Variants in NAPB observed in about 807,000 individuals in gnomAD.
NAPB encodes the protein NSF attachment protein beta, also known as beta-soluble NSF attachment protein.
NAPB carries 26 observed loss-of-function variants against 44.7 expected under a neutral mutation model. That is an observed-to-expected ratio of 0.58 (90% CI 0.43 to 0.81). NAPB has a LOEUF of 0.81. NAPB is among the 30% of genes least tolerant of loss of function. NAPB has a pLI of 0.00. For missense variants in NAPB, 315 were observed against 356.4 expected, an observed-to-expected ratio of 0.88 and a Z score of 0.94; for synonymous variants, 120 against 116.8, an observed-to-expected ratio of 1.03 and a Z score of -0.18.
chr20:23,395,070 A>G, intron 4 of NAPB, 69 bp downstream of exon 4: 3 of 1,612,778 alleles, frequency 1.9e-6, no homozygotes, highest in Non-Finnish European at 2.5e-6. Context: ...GAACATAAAA[A>G]AGAAAGATAG....
chr20:23,416,217 C>T (rs894345477), intron 1 of NAPB, among the ~76,000 whole-genome samples: 2 of 152,132 alleles, frequency 1.3e-5, no homozygotes, highest in Non-Finnish European at 2.9e-5. Context: ...GGCCCTCCCT[C>T]TCTCCAGAGT....
intron 1 of NAPB, among the ~76,000 whole-genome samples, chr20:23,412,261 T>C (rs923905475): frequency 6.6e-6 from 1 of 152,176 alleles, no homozygotes; most frequent in African/African-American, 2.4e-5. Context: ...CCACTCATAC[T>C]TCATCAGTCA....
chr20:23,416,067 C>T (rs541080781), intron 1 of NAPB, among the ~76,000 whole-genome samples: 1 of 152,284 alleles, frequency 6.6e-6, no homozygotes, highest in East Asian at 1.9e-4. Flanking sequence ...AAAGAAAAAA[C>T]ATCAGCATTT....
chr20:23,378,777 T>A (rs1477804369), intron 10 of NAPB: 1 of 149,980 alleles, frequency 6.7e-6, no homozygotes, highest in African/African-American at 2.4e-5. Context: ...ATACAGCAAA[T>A]TCTCACTACT....
At chr20:23,401,034 G>T (rs538460413) in intron 2 of NAPB, among the ~76,000 whole-genome samples, 10 of 152,048 alleles carry the variant, frequency 6.6e-5, no homozygotes, top group South Asian at 2.1e-4. Context: ...TTTTAAAAGG[G>T]GTGGCCAGAG....
chr20:23,380,377 G>A (rs1483692542), intron 8 of NAPB, among the ~76,000 whole-genome samples: 1 of 152,160 alleles, frequency 6.6e-6, no homozygotes, highest in Non-Finnish European at 1.5e-5. Context: ...CTGTCTTTTT[G>A]CCTCTTGGCT....
chr20:23,419,466 A>G (rs1176936423), intron 1 of NAPB, among the ~76,000 whole-genome samples: 2 of 152,194 alleles, frequency 1.3e-5, no homozygotes, highest in Non-Finnish European at 2.9e-5. Flanking sequence ...TCCCAAAAGG[A>G]GTGTTCTCCT....
chr20:23,396,526 T>C (rs1984376162), intron 3 of NAPB, among the ~76,000 whole-genome samples: 1 of 152,212 alleles, frequency 6.6e-6, no homozygotes, highest in African/African-American at 2.4e-5. Context: ...TAAAAAGAAA[T>C]AATCTTTGCA....
chr20:23,408,846 G>A lies in NAPB; in HGVS notation c.99-5774C>T, dbSNP rs189172871. On this transcript the variant is annotated intron_variant, in intron 1 of 10. Transcript: ENST00000377026. ...GATTTGATCATTATACAACACAGACGTATATCAAAAAATCAAACTGTACCC... is the reference window on the plus strand; with the variant it reads ...GATTTGATCATTATACAACACAGACATATATCAAAAAATCAAACTGTACCC... Among the ~76,000 whole-genome samples, 304 of 152,158 alleles carry A rather than the reference G, an allele frequency of 2.0e-3. 3 individuals are homozygous for A. Among genetic ancestry groups the A allele is most frequent in the African/African-American group, 7.0e-3 (291 of 41,504 alleles).
intron 2 of NAPB, among the ~76,000 whole-genome samples, chr20:23,402,237 T>C (rs1323046908): frequency 1.3e-5 from 2 of 152,190 alleles, no homozygotes; most frequent in African/African-American, 4.8e-5. Flanking sequence ...CCACAGCAGC[T>C]GTGAGCCAGA....
intron 1 of NAPB, among the ~76,000 whole-genome samples, chr20:23,416,558 C>T (rs1432421893): frequency 6.6e-6 from 1 of 151,726 alleles, no homozygotes; most frequent in East Asian, 1.9e-4. Context: ...ACCTGGTCTC[C>T]CCATGAATAA....
At position 23,376,418 on chromosome 20, in the gene NAPB, T is replaced by G. The variant is rs1232673893; in HGVS notation, c.*958A>C. On this transcript the variant is annotated 3_prime_UTR_variant, in exon 11 of 11. Transcript: ENST00000377026. ...CACATTCACCCCACCTAACCCATCA[T>G]GTACAATAAACAGGAAAATTACATA... 2.0e-5 allele frequency: 3 copies of G among 152,236 alleles called. No homozygotes were observed. The highest frequency in any genetic ancestry group is 7.2e-5 in the African/African-American group (3 of 41,460). The allele number at this position is 152,236 out of a possible 1,614,324, so 9.4% of individuals were successfully genotyped here.
intron 4 of NAPB, 61 bp from the exon 5 acceptor site, chr20:23,395,060 G>T: frequency 1.9e-6 from 3 of 1,611,792 alleles, no homozygotes; most frequent in Non-Finnish European, 2.5e-6. Context: ...GCCAGTTTGG[G>T]AACATAAAAA....
chr20:23,421,202 G>T lies in NAPB; in HGVS notation c.98+103C>A, dbSNP rs929172230. The stretch of plus-strand genomic sequence containing the variant: ...CTGAGGGCCCCTAGACGTGGTCTGA[G>T]GGCCCCAGAGGTTGCGTGGGGGACT... On this transcript the variant is annotated intron_variant, in intron 1 of 10. Coordinates refer to ENST00000377026, the MANE Select transcript of NAPB (RefSeq NM_022080.3). 2.0e-5 allele frequency: 20 copies of T among 979,514 alleles called. No homozygotes were observed. In the African/African-American group the frequency reaches 2.0e-4, roughly 10 times the overall value. The allele number at this position is 979,514 out of a possible 1,614,324, so 60.7% of individuals were successfully genotyped here.
At chr20:23,411,264 G>C (rs552096822) in intron 1 of NAPB, among the ~76,000 whole-genome samples, 2 of 152,288 alleles carry the variant, frequency 1.3e-5, no homozygotes, top group East Asian at 3.9e-4. Context: ...ATCCTAGTAA[G>C]ATGACTAGAT....
chr20:23,390,755 G>C (rs938651137), intron 5 of NAPB, among the ~76,000 whole-genome samples: 14 of 152,168 alleles, frequency 9.2e-5, no homozygotes, highest in African/African-American at 2.7e-4. Flanking sequence ...TCCAACCCCA[G>C]TGTCTCTACC....
At chr20:23,383,590 C>T (rs191040627) in intron 7 of NAPB, among the ~76,000 whole-genome samples, 1 of 152,114 alleles carries the variant, frequency 6.6e-6, no homozygotes, top group African/African-American at 2.4e-5. Context: ...ATTATACTCC[C>T]AGGAAAACTA....
Position 23,421,385 on chromosome 20 carries a change from C to T in NAPB, c.18G>A (p.Lys6=). 6.5e-7 allele frequency: 1 copy of T among 1,548,494 alleles called. No individual in the cohort carries two copies. The highest frequency in any genetic ancestry group is 8.7e-7 in the Non-Finnish European group (1 of 1,146,616). Residue 6 remains lysine, a synonymous_variant, in exon 1 of 11, where the codon AAG becomes AAA. Coordinates refer to ENST00000377026, the MANE Select transcript of NAPB (RefSeq NM_022080.3). MDNAG[K]EREAVQLMAE... is the part of the protein sequence containing the mutation. ...CCATCAGCTGTACTGCCTCACGCTC[C>T]TTCCCCGCGTTGTCCATGTCGCCCG...
chr20:23,381,284 T>C lies in NAPB; in HGVS notation c.595A>G (p.Lys199Glu). 6.2e-7 allele frequency: 1 copy of C among 1,606,838 alleles called. No individual in the cohort carries two copies. Among genetic ancestry groups the C allele is most frequent in the East Asian group, 2.2e-5 (1 of 44,578 alleles). Residue 199 changes from lysine to glutamate, a missense_variant, in exon 8 of 11, where the codon AAA becomes GAA. Transcript: ENST00000377026. ...AAGAAGTAATCCTTTGCACTGTATT[T>C]CAACAAAGGATTATCCATTGTGTTT... The part of the protein sequence containing the change: ...GANTMDNPLL[K>E]YSAKDYFFKA...
Sources: gnomAD v4.1 joint callset for allele counts (sites outside exome capture counted in the v4.1 genomes callset) on GRCh38, gnomAD v4.1.1 for gene constraint, MANE v1.5 for transcripts, NCBI Gene and HGNC (gene_info 2026-07-23, HGNC 2026-07-21) for gene names.